TBC1D14: variants seen among roughly 807,000 people sequenced by gnomAD.
TBC1D14 encodes TBC1 domain family, member 14.
TBC1D14 carries 26 observed loss-of-function variants against 79.0 expected under a neutral mutation model. The observed-to-expected ratio is 0.33, with a 90% CI of 0.24 to 0.46. The LOEUF (loss-of-function observed/expected upper bound fraction) is 0.46. Among genes scored for constraint, TBC1D14 ranks in the 20% least tolerant of loss-of-function variants. TBC1D14 has a pLI of 1.00. For missense variants in TBC1D14, 769 were observed against 887.6 expected, an observed-to-expected ratio of 0.87 and a Z score of 1.70; for synonymous variants, 394 against 349.9, an observed-to-expected ratio of 1.13 and a Z score of -1.40.
At chr4:6,928,639 C>A (rs1387514413) in intron 2 of TBC1D14, among the ~76,000 whole-genome samples, 1 of 152,146 alleles carries the variant, frequency 6.6e-6, no homozygotes, top group Non-Finnish European at 1.5e-5. Context: ...TTGAGACCAA[C>A]CTGGCCAACA....
chr4:7,007,354 G>A (rs1369946848), intron 9 of TBC1D14, among the ~76,000 whole-genome samples: 1 of 152,182 alleles, frequency 6.6e-6, no homozygotes, highest in Non-Finnish European at 1.5e-5. Flanking sequence ...GTAGGTTGTG[G>A]GGTCATCTGA....
rs1371578122 is a variant in TBC1D14, at chr4:7,030,467, C to G, written c.*75C>G. On this transcript the variant is annotated 3_prime_UTR_variant, in exon 14 of 14. Transcript: ENST00000409757. The stretch of plus-strand genomic sequence containing the variant: ...GCCCCTCTGTTGTTTCAGACTGACA[C>G]CCGGGCAGCCGAGAAGAACAGACGC... 3 of 1,489,350 alleles carry G rather than the reference C, an allele frequency of 2.0e-6. No homozygotes were observed. Among genetic ancestry groups the G allele is most frequent in the Admixed American group, 1.7e-5 (1 of 58,134 alleles). The allele number at this position is 1,489,350 out of a possible 1,614,324, so 92.3% of individuals were successfully genotyped here.
intron 1 of TBC1D14, among the ~76,000 whole-genome samples, chr4:6,921,515 G>T (rs1723856931): frequency 1.3e-5 from 2 of 151,830 alleles, no homozygotes; most frequent in South Asian, 4.2e-4. Context: ...TTAGGCCAGA[G>T]AACTTTATTT....
chr4:6,934,281 G>A (rs1363352377), intron 2 of TBC1D14, among the ~76,000 whole-genome samples: 1 of 152,062 alleles, frequency 6.6e-6, no homozygotes, highest in African/African-American at 2.4e-5. Context: ...AGAAGGCAGG[G>A]CTGGTGAGCT....
At chr4:7,026,724 C>T (rs1156374610) in intron 13 of TBC1D14, among the ~76,000 whole-genome samples, 1 of 152,044 alleles carries the variant, frequency 6.6e-6, no homozygotes, top group East Asian at 1.9e-4. Flanking sequence ...TAGTGAGACC[C>T]CGTCTCTACA....
intron 2 of TBC1D14, among the ~76,000 whole-genome samples, chr4:6,945,680 C>A (rs1713368422): frequency 7.2e-6 from 1 of 137,942 alleles, no homozygotes; most frequent in Admixed American, 8.0e-5. Flanking sequence ...ACCCGGGAGG[C>A]GGAGGTTGCG....
chr4:7,023,867 C>G (rs951496170), intron 12 of TBC1D14, among the ~76,000 whole-genome samples: 1 of 152,226 alleles, frequency 6.6e-6, no homozygotes, highest in Non-Finnish European at 1.5e-5. Context: ...TCTGTTGTTC[C>G]TCTAGGTGCA....
At chr4:6,932,339 C>T (rs775601468) in intron 2 of TBC1D14, among the ~76,000 whole-genome samples, 7 of 147,524 alleles carry the variant, frequency 4.7e-5, no homozygotes, top group Non-Finnish European at 7.4e-5. Context: ...CGCCACTGCA[C>T]GATCTTGGGC....
chr4:7,000,515 C>T (rs1216594967), intron 6 of TBC1D14, among the ~76,000 whole-genome samples: 4 of 152,240 alleles, frequency 2.6e-5, no homozygotes, highest in South Asian at 2.1e-4. Flanking sequence ...GTGCTCCCCA[C>T]GATGCTGCGT....
chr4:6,974,455 T>G (rs1450133639), intron 3 of TBC1D14, among the ~76,000 whole-genome samples: 1 of 152,220 alleles, frequency 6.6e-6, no homozygotes, highest in Non-Finnish European at 1.5e-5. Flanking sequence ...AAGGTGTTAA[T>G]GAACTCCCAG....
chr4:6,941,838 C>T (rs1712939446), intron 2 of TBC1D14, among the ~76,000 whole-genome samples: 2 of 152,172 alleles, frequency 1.3e-5, no homozygotes, highest in Non-Finnish European at 2.9e-5. Context: ...GGAAACAGTA[C>T]GCCCATCTTC....
chr4:6,994,100 C>T, intron 3 of TBC1D14, 84 bp from the exon 4 acceptor site: 3 of 1,226,944 alleles, frequency 2.4e-6, no homozygotes, highest in Non-Finnish European at 3.6e-6. Context: ...AAAAGAGTTT[C>T]ATGACAAAAC....
In TBC1D14 at chr4:6,981,714, T is replaced by C. The variant is rs191203329; in HGVS notation, c.844-12470T>C. 2.0e-3 allele frequency among the ~76,000 whole-genome samples: 303 copies of C among 152,262 alleles called. 2 individuals are homozygous for C. Among genetic ancestry groups the C allele is most frequent in the Non-Finnish European group, 5.0e-4 (34 of 68,006 alleles). On this transcript the variant is annotated intron_variant, in intron 3 of 13. Coordinates refer to ENST00000409757, the MANE Select transcript of TBC1D14 (RefSeq NM_020773.3). ...TTTAGCCCAGGAACACAAGGCTGGG[T>C]CAGTGTTTGAAAATCGATCAGTGTC...
intron 2 of TBC1D14, among the ~76,000 whole-genome samples, chr4:6,942,868 T>C (rs1713042114): frequency 6.6e-6 from 1 of 152,210 alleles, no homozygotes; most frequent in African/African-American, 2.4e-5. Flanking sequence ...ATAGATTTTA[T>C]CCCTTTTAGA....
intron 1 of TBC1D14, among the ~76,000 whole-genome samples, chr4:6,921,263 G>GGT (rs1232452420): frequency 2.8e-4 from 43 of 152,102 alleles, no homozygotes; most frequent in African/African-American, 1.0e-3. Context: ...GGAGTGCAGT[G>GGT]GTGTTATCAG....
At chr4:6,961,517 C>T (rs567477725) in intron 2 of TBC1D14, among the ~76,000 whole-genome samples, 10 of 151,954 alleles carry the variant, frequency 6.6e-5, no homozygotes, top group Non-Finnish European at 1.5e-4. Flanking sequence ...TGTGCATGGC[C>T]AGGCTGAACC....
chr4:7,018,893 G>A (rs914197885), intron 12 of TBC1D14, among the ~76,000 whole-genome samples: 2 of 152,240 alleles, frequency 1.3e-5, no homozygotes, highest in African/African-American at 4.8e-5. Flanking sequence ...AGGTGTGAGT[G>A]AGCTTTATAA....
At chr4:7,017,508 A>G (rs1721402930) in intron 12 of TBC1D14, among the ~76,000 whole-genome samples, 1 of 152,132 alleles carries the variant, frequency 6.6e-6, no homozygotes, top group Non-Finnish European at 1.5e-5. Flanking sequence ...GGTTCCAGAG[A>G]CAGGAATAGC....
intron 3 of TBC1D14, among the ~76,000 whole-genome samples, chr4:6,991,924 A>C (rs1394826203): frequency 1.3e-5 from 2 of 151,460 alleles, no homozygotes; most frequent in Non-Finnish European, 2.9e-5. Context: ...ACTTCCTTTT[A>C]CTCCTACTTT....
Sources: allele counts gnomAD v4.1 joint callset (sites outside exome capture counted in the v4.1 genomes callset), GRCh38; gene constraint gnomAD v4.1.1; transcripts MANE v1.5; gene names NCBI Gene and HGNC (gene_info 2026-07-23, HGNC 2026-07-21).